CACNA1F: variants seen among roughly 807,000 people sequenced by gnomAD.
CACNA1F encodes the protein voltage-dependent L-type calcium channel subunit alpha-1F.
In CACNA1F, 59 loss-of-function variants were observed where a neutral mutation model predicts 143.8. That is an observed-to-expected ratio of 0.41 (90% CI 0.33 to 0.51). The LOEUF is 0.51. Ranked by LOEUF, CACNA1F falls within the 20% of genes least tolerant of loss-of-function variation. The pLI is 0.22. For synonymous variants in CACNA1F, 643 were observed against 649.1 expected (o/e 0.99, Z 0.14); for missense variants, 1,411 against 1,647.5 (o/e 0.86, Z 2.48).
chrX:49,211,122 G>T, intron 36 of CACNA1F, 30 bp from the exon 37 acceptor site: 1 of 1,204,176 alleles, frequency 8.3e-7, no homozygotes, highest in Non-Finnish European at 1.1e-6. Flanking sequence ...GGAGCAGTTA[G>T]GTGAAGGGCA....
chrX:49,210,918 G>A (rs373595995), intron 37 of CACNA1F, 47 bp downstream of exon 37: 4 of 1,168,460 alleles, frequency 3.4e-6, no homozygotes, highest in African/African-American at 1.8e-5. Context: ...ACTGTGTAGG[G>A]CAATACATTG....
chrX:49,231,652 G>A (rs781907138), intron 2 of CACNA1F, 26 bp downstream of exon 2: 1 of 1,209,993 alleles, frequency 8.3e-7, no homozygotes, highest in Admixed American at 2.2e-5. Flanking sequence ...CTTACCCCTG[G>A]GCCCTGCCCC....
chrX:49,233,184 C>A (rs2065892846), intron 1 of CACNA1F, 101 bp downstream of exon 1: 3 of 877,099 alleles, frequency 3.4e-6, no homozygotes, highest in Non-Finnish European at 5.0e-6. Context: ...GGTTCTTGTC[C>A]CCTAGAGGCT....
chrX:49,226,842 G>A (rs1476283548), intron 9 of CACNA1F, 128 bp downstream of exon 9: 1 of 1,034,891 alleles, frequency 9.7e-7, no homozygotes, highest in East Asian at 3.2e-5. Context: ...TTGGGGGCTG[G>A]GGCTAGAGTT....
Position 49,226,394 on chromosome X carries a change from G to T in CACNA1F, c.1463+15C>A, listed in dbSNP as rs1557109904. 1 of 1,176,885 alleles carries T rather than the reference G, an allele frequency of 8.5e-7. No individual in the cohort carries two copies. Among genetic ancestry groups the T allele is most frequent in the Non-Finnish European group, 1.1e-6 (1 of 874,609 alleles). On this transcript the variant is annotated intron_variant, in intron 11 of 47. Transcript: ENST00000323022. ...GACTGGCTTCTGGGCTGGGTCAGGG[G>T]CTGGGGGCCCTCACAGGCAGCGTGT...
rs782623743 is a variant in CACNA1F at position 49,229,500 on chromosome X, A to C, written c.817+720T>G. Among the ~76,000 whole-genome samples, 204 of 112,362 alleles carry C rather than the reference A, an allele frequency of 1.8e-3. 1 individual carries two copies. The highest frequency in any genetic ancestry group is 3.4e-3 in the Non-Finnish European group (180 of 53,222). ...AATTGTTTTTGTTATTATTTTTTGG[A>C]GACTGGATCTCACTATTTTGCACAG... On this transcript the variant is annotated intron_variant, in intron 6 of 47. Coordinates refer to ENST00000323022, the MANE Select transcript of CACNA1F (RefSeq NM_001256789.3).
chrX:49,213,086 TA>T (rs1486497453), intron 31 of CACNA1F, 92 bp from the exon 32 acceptor site: 8 of 744,797 alleles, frequency 1.1e-5, no homozygotes, highest in Non-Finnish European at 1.2e-5. Context: ...GGAGCAGATA[TA>T]GGGGGTGATG....
At chrX:49,215,028 GATT>G in intron 29 of CACNA1F, 55 bp downstream of exon 29, 1 of 1,077,331 alleles carries the variant, frequency 9.3e-7, no homozygotes. Flanking sequence ...GTTCCCAAGG[GATT>G]ATGTGGAGAT....
chrX:49,222,842 G>A lies in CACNA1F; in HGVS notation c.2086-4C>T, dbSNP rs1289870724. 8.3e-7 allele frequency: 1 copy of A among 1,211,428 alleles called. No individual in the cohort carries two copies. Among genetic ancestry groups the A allele is most frequent in the Non-Finnish European group, 1.1e-6 (1 of 895,381 alleles). On this transcript the variant is annotated splice_polypyrimidine_tract_variant and splice_region_variant and intron_variant, in intron 15 of 47. Coordinates refer to ENST00000323022, the MANE Select transcript of CACNA1F (RefSeq NM_001256789.3). ...TCCAGTCCTCACCTGTCAGGATCTG[G>A]GGGTGGGAAGTCACTGTGGAGCTCT...
chrX:49,230,428 C>T (rs2065865732), intron 5 of CACNA1F, 39 bp downstream of exon 5: 12 of 1,207,360 alleles, frequency 9.9e-6, no homozygotes, highest in Non-Finnish European at 1.3e-5. Context: ...AGCCCCACCC[C>T]CACCCTCCAC....
chrX:49,230,560 G>A lies in CACNA1F; in HGVS notation c.571C>T (p.Pro191Ser). The change falls in exon 5 of 48, where the codon CCG becomes TCG. Residue 191 changes from proline (P) to serine (S), a missense_variant. Pro to Ser is a moderately conservative substitution (Grantham distance 74). Coordinates refer to ENST00000323022, the MANE Select transcript of CACNA1F (RefSeq NM_001256789.3). Reference sequence around the variant, plus strand: ...CCTCCTGGCTTTCCCCCGGTGTGCGGGGCGTCGCCTGGCCGTCCGGGGCCC... The same window carrying A: ...CCTCCTGGCTTTCCCCCGGTGTGCGAGGCGTCGCCTGGCCGTCCGGGGCCC... Reference protein sequence around the residue: ...EQGPGRPGDAPHTGGKPGGFD... With the variant: ...EQGPGRPGDASHTGGKPGGFD... 1 of 1,182,977 alleles carries A rather than the reference G, an allele frequency of 8.5e-7. No individual in the cohort carries two copies. Among genetic ancestry groups the A allele is most frequent in the Non-Finnish European group, 1.1e-6 (1 of 880,487 alleles).
Position 49,228,071 on chromosome X carries a change from G to A in CACNA1F, c.1083C>T (p.Phe361=). Residue 361 remains phenylalanine, a synonymous_variant, in exon 8 of 48, where the codon TTC becomes TTT. Coordinates refer to ENST00000323022, the MANE Select transcript of CACNA1F (RefSeq NM_001256789.3). ...CGCCAAGCACAAGGTTGAGGACGAA[G>A]AAGGACCCAAAGATGACAAGGCTCA... is the stretch of plus-strand genomic sequence containing the variant. The part of the protein sequence containing the change: ...YFVSLVIFGS[F]FVLNLVLGVL... 8.3e-7 allele frequency: 1 copy of A among 1,211,077 alleles called. No individual in the cohort carries two copies. Among genetic ancestry groups the A allele is most frequent in the Admixed American group, 2.2e-5 (1 of 46,033 alleles).
At chrX:49,210,246 G>T in intron 39 of CACNA1F, 55 bp downstream of exon 39, 1 of 894,415 alleles carries the variant, frequency 1.1e-6, no homozygotes, top group Non-Finnish European at 1.6e-6. Context: ...GATTCAATGA[G>T]TTTGCTCCTT....
At position 49,215,202 on chromosome X, in the gene CACNA1F, G is replaced by A. The variant is rs782340070; in HGVS notation, c.3481C>T (p.Arg1161Cys). Residue 1161 changes from arginine (R) to cysteine (C), a missense_variant, in exon 29 of 48, where the codon CGT becomes TGT. Physicochemically the swap from Arg to Cys is radical, Grantham distance 180 (BLOSUM62 -3). Around this residue, in one of 3 missense-constraint regions of CACNA1F, gnomAD observed 950 missense variants for 1,128.1 expected, o/e 0.84. Coordinates refer to ENST00000323022, the MANE Select transcript of CACNA1F (RefSeq NM_001256789.3). Reference sequence around the variant, plus strand: ...TGATGCGGGTTCTTGGGGATGTAACGGCGGAGTGGCTGGGCCTTGAGGGCA... The same window carrying A: ...TGATGCGGGTTCTTGGGGATGTAACAGCGGAGTGGCTGGGCCTTGAGGGCA... Reference protein sequence around the residue: ...EYALKAQPLRRYIPKNPHQYR... With the variant: ...EYALKAQPLRCYIPKNPHQYR... The A allele has an allele frequency of 1.1e-5, 13 of 1,210,845 alleles. No individual in the cohort carries two copies. Among genetic ancestry groups the A allele is most frequent in the Non-Finnish European group, 1.3e-5 (12 of 895,104 alleles).
At position 49,211,038 on chromosome X, in the gene CACNA1F, C is replaced by G. The variant is rs1465767904; in HGVS notation, c.4315G>C (p.Asp1439His). 8.3e-7 allele frequency: 1 copy of G among 1,207,478 alleles called. No individual in the cohort carries two copies. Residue 1439 changes from aspartate (D) to histidine (H), a missense_variant, in exon 37 of 48, where the codon GAT (aspartate) becomes CAT (histidine). Physicochemically the swap from Asp to His is moderately conservative, Grantham distance 81 (BLOSUM62 -1). This residue lies in a region of CACNA1F where 112 missense variants were observed against 169.2 expected (regional missense o/e 0.66). Coordinates refer to ENST00000323022, the MANE Select transcript of CACNA1F (RefSeq NM_001256789.3). ...TGATGGGGGCCCAGGATGGACCAAT[C>G]TCTGGTGAGATAATCAAAGTTGTCC... ...IMDNFDYLTR[D>H]WSILGPHHLD...
In CACNA1F at chrX:49,221,056, G is replaced by A. The variant is rs1384176006; in HGVS notation, c.2313C>T (p.Leu771=). ...KGGEKSNEKD[L]PQENEGLVPG... is the part of the protein sequence containing the mutation. Reference sequence around the variant, plus strand: ...TCACCAGGCCTTCATTCTCCTGTGGGAGATCCTTCTCATTGCTCTTCTCCC... The same window carrying A: ...TCACCAGGCCTTCATTCTCCTGTGGAAGATCCTTCTCATTGCTCTTCTCCC... The change falls in exon 18 of 48, where the codon CTC becomes CTT. Residue 771 remains leucine, a synonymous_variant. Transcript: ENST00000323022. 1.7e-6 allele frequency: 2 copies of A among 1,208,617 alleles called. No individual in the cohort carries two copies. The highest frequency in any genetic ancestry group is 1.7e-5 in the African/African-American group (1 of 57,390).
chrX:49,209,156 G>T, intron 42 of CACNA1F, 106 bp downstream of exon 42: 1 of 945,682 alleles, frequency 1.1e-6, no homozygotes, highest in Non-Finnish European at 1.5e-6. Context: ...TTGCAGAGGG[G>T]GCTTCTCTGG....
intron 21 of CACNA1F, 42 bp from the exon 22 acceptor site, chrX:49,218,983 G>A (rs2065747832): frequency 9.4e-7 from 1 of 1,068,674 alleles, no homozygotes; most frequent in Non-Finnish European, 1.3e-6. Flanking sequence ...AGTCACGGCT[G>A]AGGGGGATCC....
Position 49,230,870 on chromosome X carries a change from G to A in CACNA1F, c.501C>T (p.Asp167=). The change falls in exon 4 of 48, where the codon GAC becomes GAT. Residue 167 remains aspartate (D), a synonymous_variant. Coordinates refer to ENST00000323022, the MANE Select transcript of CACNA1F (RefSeq NM_001256789.3). ...AYIRNGWNLL[D]FIIVVVGLFS... ...CGCACCCGACCACGACGATGATGAA[G>A]TCGAGTAGGTTCCAGCCATTGCGGA... is the stretch of plus-strand genomic sequence containing the variant. 8.5e-7 allele frequency: 1 copy of A among 1,183,209 alleles called. No individual in the cohort carries two copies. The highest frequency in any genetic ancestry group is 1.1e-6 in the Non-Finnish European group (1 of 880,854).
Sources: allele counts gnomAD v4.1 joint callset (sites outside exome capture counted in the v4.1 genomes callset), GRCh38; gene constraint gnomAD v4.1.1; regional missense constraint gnomAD v4.1.1; transcripts MANE v1.5; gene names NCBI Gene and HGNC (gene_info 2026-07-23, HGNC 2026-07-21).